ZBTB34: variants seen among roughly 807,000 people sequenced by gnomAD.
ZBTB34 encodes the protein zinc finger and BTB domain containing 34.
In ZBTB34, 1 loss-of-function variant was observed where a neutral mutation model predicts 33.4. The observed-to-expected ratio is 0.03, with a 90% confidence interval of 0.01 to 0.14. The LOEUF is 0.14. Among genes scored for constraint, ZBTB34 ranks in the 10% least tolerant of loss-of-function variants. ZBTB34 has a pLI of 1.00. For missense variants in ZBTB34, 406 were observed against 657.2 expected (o/e 0.62, Z 4.18); for synonymous variants, 283 against 253.5 (o/e 1.12, Z -1.11).
chr9:126,869,036 G>T (rs893189846), intron 1 of ZBTB34, among the ~76,000 whole-genome samples: 1 of 152,128 alleles, frequency 6.6e-6, no homozygotes, highest in Non-Finnish European at 1.5e-5. Flanking sequence ...AAAAGAGGGA[G>T]ATTTTGCTCT....
intron 1 of ZBTB34, among the ~76,000 whole-genome samples, chr9:126,874,356 A>G (rs1564223604): frequency 2.0e-5 from 3 of 151,812 alleles, no homozygotes; most frequent in Non-Finnish European, 2.9e-5. Context: ...GGCCTCTGCT[A>G]TGTATGTTCT....
intron 1 of ZBTB34, among the ~76,000 whole-genome samples, chr9:126,863,444 T>G (rs1274708487): frequency 6.6e-6 from 1 of 152,200 alleles, no homozygotes; most frequent in Non-Finnish European, 1.5e-5. Flanking sequence ...GTCCCCCCAC[T>G]TTTGCCTTCC....
chr9:126,869,902 G>T (rs984254856), intron 1 of ZBTB34, among the ~76,000 whole-genome samples: 8 of 152,174 alleles, frequency 5.3e-5, no homozygotes, highest in Admixed American at 2.6e-4. Flanking sequence ...TTTCAACAAA[G>T]TTCTATCCAT....
At chr9:126,860,883 C>T (rs1166066679) in intron 1 of ZBTB34, 144 bp downstream of exon 1, 1 of 148,444 alleles carries the variant, frequency 6.7e-6, no homozygotes, top group African/African-American at 2.5e-5. Flanking sequence ...CCTGGTCAGT[C>T]CCGCGGGCAG....
chr9:126,869,385 C>T (rs897282464), intron 1 of ZBTB34, among the ~76,000 whole-genome samples: 1 of 151,964 alleles, frequency 6.6e-6, no homozygotes, highest in Non-Finnish European at 1.5e-5. Context: ...ATTGTACCTG[C>T]CTTAAGGGGC....
chr9:126,880,969 T>A lies in ZBTB34; in HGVS notation c.*55T>A. On this transcript the variant is annotated 3_prime_UTR_variant, in exon 2 of 2. Coordinates refer to ENST00000319119, the Ensembl canonical transcript of ZBTB34. This position sits in a 1 kb window ranked among gnomAD's most constrained non-coding sequence, Gnocchi z 6.7. ...ACATTAATCAATGCATATTTGTGAT[T>A]TGCTTTGTTGTAATCTTTGGTTTTC... 1 of 1,507,782 alleles carries A rather than the reference T, an allele frequency of 6.6e-7. No individual in the cohort carries two copies. The highest frequency in any genetic ancestry group is 8.9e-7 in the Non-Finnish European group (1 of 1,121,666). 93.4% of individuals were successfully genotyped at this position (1,507,782 alleles called of 1,614,324 possible). A position where few individuals can be genotyped will look rare whatever the true frequency, so the allele number is the denominator to read the frequency against.
At position 126,880,799 on chromosome 9, in the gene ZBTB34, C is replaced by T; in HGVS notation, c.1400C>T (p.Ser467Phe). 1 of 1,613,676 alleles carries T rather than the reference C, an allele frequency of 6.2e-7. No individual in the cohort carries two copies. Among genetic ancestry groups the T allele is most frequent in the South Asian group, 1.1e-5 (1 of 91,058 alleles). ...GCTGAAGTCAGGAGTCGCATTGAGT[C>T]CCCCGAGAGAACAGATGTGTACGTG... is the stretch of plus-strand genomic sequence containing the variant. The change falls in exon 2 of 2, where the codon TCC becomes TTC. Residue 467 changes from serine to phenylalanine, a missense_variant. This residue lies in a region of ZBTB34 where 58 missense variants were observed against 58.7 expected (regional missense o/e 0.99). Coordinates refer to ENST00000319119, the Ensembl canonical transcript of ZBTB34. The surrounding 1 kb of genome is among the most constrained non-coding windows in gnomAD (Gnocchi z 6.7).
chr9:126,863,520 CAT>C (rs2033166665), intron 1 of ZBTB34, among the ~76,000 whole-genome samples: 1 of 152,130 alleles, frequency 6.6e-6, no homozygotes, highest in African/African-American at 2.4e-5. Context: ...CGTTAATGTT[CAT>C]GTTACTTTAG....
In ZBTB34 at chr9:126,879,585, G is replaced by C. The variant is rs1274658516; in HGVS notation, c.186G>C (p.Arg62=). The C allele has an allele frequency of 6.2e-7, 1 of 1,613,758 alleles. No individual in the cohort carries two copies. Residue 62 remains arginine (R), a synonymous_variant, in exon 2 of 2, where the codon CGG becomes CGC. Coordinates refer to ENST00000319119, the Ensembl canonical transcript of ZBTB34. This position sits in a 1 kb window ranked among gnomAD's most constrained non-coding sequence, Gnocchi z 6.4. Reference sequence around the variant, plus strand: ...TTGCTGCCAGCTCCCCATATTTCCGGGACCATTCAGCGTTAAGTACCATGA... The same window carrying C: ...TTGCTGCCAGCTCCCCATATTTCCGCGACCATTCAGCGTTAAGTACCATGA...
chr9:126,884,200 T>G (rs2033487907), exon 2 of ZBTB34: 1 of 167,102 alleles, frequency 6.0e-6, no homozygotes, highest in Admixed American at 6.5e-5. Context: ...GTGAAGACAG[T>G]GACAGCGTCC....
At chr9:126,885,616 G>A (rs2033512067) in exon 2 of ZBTB34, 1 of 167,030 alleles carries the variant, frequency 6.0e-6, no homozygotes, top group Non-Finnish European at 1.5e-5. Context: ...ATCACCATAT[G>A]AAGTAAATGA....
chr9:126,878,897 T>A (rs765732580), intron 1 of ZBTB34, among the ~76,000 whole-genome samples: 1 of 152,056 alleles, frequency 6.6e-6, no homozygotes, highest in Non-Finnish European at 1.5e-5. Context: ...CTAATTTTTG[T>A]ATTTTTAGTA....
intron 1 of ZBTB34, among the ~76,000 whole-genome samples, chr9:126,875,876 A>G (rs536929952): frequency 6.6e-6 from 1 of 152,166 alleles, no homozygotes; most frequent in Admixed American, 6.5e-5. Context: ...ACTGATGGGA[A>G]TGACTGCACT....
intron 1 of ZBTB34, among the ~76,000 whole-genome samples, chr9:126,861,109 G>T (rs986288162): frequency 7.2e-5 from 11 of 152,152 alleles, no homozygotes; most frequent in African/African-American, 2.7e-4. Context: ...CCTAGCCCTG[G>T]GGGCGCTCCC....
exon 2 of ZBTB34, chr9:126,882,300 T>A (rs1219598061): frequency 6.0e-6 from 1 of 167,106 alleles, no homozygotes; most frequent in East Asian, 1.9e-4. Flanking sequence ...TTGTAGAAAA[T>A]GTGAAATCTG....
At position 126,880,151 on chromosome 9, in the gene ZBTB34, C is replaced by G; in HGVS notation, c.752C>G (p.Ser251Cys). The G allele has an allele frequency of 1.2e-6, 2 of 1,613,752 alleles. No homozygotes were observed. Among genetic ancestry groups the G allele is most frequent in the Non-Finnish European group, 1.7e-6 (2 of 1,179,880 alleles). Residue 251 changes from serine to cysteine, a missense_variant, in exon 2 of 2, where the codon TCC becomes TGC. Ser to Cys is a moderately radical substitution (Grantham distance 112, BLOSUM62 -1). Transcript: ENST00000319119. This position sits in a 1 kb window ranked among gnomAD's most constrained non-coding sequence, Gnocchi z 6.7. ...GAGAAGTCCGACCGGCCCAGCTGTT[C>G]CGACAGCTCCTCCCTGGGTGACGAT...
At chr9:126,861,903 G>C (rs2033147938) in intron 1 of ZBTB34, among the ~76,000 whole-genome samples, 1 of 152,110 alleles carries the variant, frequency 6.6e-6, no homozygotes, top group Non-Finnish European at 1.5e-5. Flanking sequence ...ACTTACTATA[G>C]GAAGTCAAAA....
intron 1 of ZBTB34, among the ~76,000 whole-genome samples, chr9:126,861,100 C>G (rs977465385): frequency 2.5e-4 from 38 of 152,226 alleles, no homozygotes; most frequent in African/African-American, 9.1e-4. Flanking sequence ...TTCCGGGCCC[C>G]TAGCCCTGGG....
exon 2 of ZBTB34, chr9:126,883,332 C>T (rs2033470767): frequency 6.0e-6 from 1 of 167,064 alleles, no homozygotes; most frequent in Non-Finnish European, 1.5e-5. Flanking sequence ...TTGGGGCCTC[C>T]AGCGAGGTTT....
Sources: allele counts gnomAD v4.1 joint callset (sites outside exome capture counted in the v4.1 genomes callset), GRCh38; gene constraint gnomAD v4.1.1; regional missense constraint gnomAD v4.1.1; non-coding constraint Gnocchi (gnomAD v3.1); transcripts MANE v1.5; gene names NCBI Gene and HGNC (gene_info 2026-07-23, HGNC 2026-07-21).